MTA3: variants seen among roughly 807,000 people sequenced by gnomAD.
MTA3 encodes the protein metastasis-associated protein MTA3.
A neutral mutation model predicts 83.5 loss-of-function variants in MTA3; 34 were observed. The ratio of observed to expected loss-of-function variants is 0.41; its 90% confidence interval spans 0.31 to 0.54. The LOEUF is 0.54. MTA3 is among the 20% of genes least tolerant of loss of function. The probability of loss-of-function intolerance (pLI) is 0.33; values close to 1 mark genes in which losing one functional copy is unlikely to be tolerated. For synonymous variants in MTA3, 303 were observed against 252.7 expected, an observed-to-expected ratio of 1.20 and a Z score of -1.89; for missense variants, 761 against 726.4, an observed-to-expected ratio of 1.05 and a Z score of -0.55.
chr2:42,621,821 G>A (rs1008623108), intron 4 of MTA3, among the ~76,000 whole-genome samples: 53 of 149,172 alleles, frequency 3.6e-4, no homozygotes, highest in Admixed American at 4.0e-4. Flanking sequence ...AGACGGGGTC[G>A]TGGCCGGGCA....
chr2:42,519,483 G>A (rs573718090), intron 2 of MTA3, among the ~76,000 whole-genome samples: 1 of 152,082 alleles, frequency 6.6e-6, no homozygotes, highest in African/African-American at 2.4e-5. Flanking sequence ...GCACATGCCT[G>A]TAGTCCCAAC....
chr2:42,635,323 A>G (rs1687078748), intron 4 of MTA3, among the ~76,000 whole-genome samples: 1 of 152,196 alleles, frequency 6.6e-6, no homozygotes, highest in Admixed American at 6.5e-5. Context: ...TTATACAAAG[A>G]AATATTAAGA....
chr2:42,610,643 A>C (rs1194727118), intron 4 of MTA3, among the ~76,000 whole-genome samples: 1 of 152,158 alleles, frequency 6.6e-6, no homozygotes, highest in African/African-American at 2.4e-5. Flanking sequence ...TGTAGTGTAT[A>C]ATCAGTGCAT....
intron 3 of MTA3, among the ~76,000 whole-genome samples, chr2:42,597,257 G>A (rs1444524076): frequency 1.3e-5 from 2 of 151,888 alleles, no homozygotes; most frequent in East Asian, 3.9e-4. Flanking sequence ...TAGAAATGGG[G>A]TCTCACCGTG....
chr2:42,660,603 T>C (rs1265410623), intron 8 of MTA3, among the ~76,000 whole-genome samples: 3 of 152,232 alleles, frequency 2.0e-5, no homozygotes. Context: ...AGTTACTTAC[T>C]GTATTTGATT....
At chr2:42,568,204 AG>A (rs1010709702), upstream of MTA3, 6 of 152,704 alleles carry the variant, frequency 3.9e-5, no homozygotes, top group Admixed American at 1.3e-4. Flanking sequence ...GGGCAGCCAC[AG>A]GGGGGTTCCC....
upstream of MTA3, chr2:42,494,557 GC>G (rs1287166089): frequency 2.0e-5 from 3 of 152,168 alleles, no homozygotes; most frequent in Non-Finnish European, 4.4e-5. Context: ...GCGGCTACAC[GC>G]CCCATCCCCC....
intron 2 of MTA3, among the ~76,000 whole-genome samples, chr2:42,556,074 A>T (rs1572976953): frequency 6.6e-6 from 1 of 151,838 alleles, no homozygotes; most frequent in East Asian, 1.9e-4. Flanking sequence ...TCTGTCTCAA[A>T]AAACAAAAGC....
chr2:42,730,209 T>G (rs1316098984), intron 16 of MTA3, among the ~76,000 whole-genome samples: 1 of 152,178 alleles, frequency 6.6e-6, no homozygotes, highest in East Asian at 1.9e-4. Flanking sequence ...TGATGACTTT[T>G]TTTTTCTTGT....
Position 42,609,562 on chromosome 2 carries a change from T to C in MTA3, c.295T>C (p.Ser99Pro). 1 of 1,613,800 alleles carries C rather than the reference T, an allele frequency of 6.2e-7. No homozygotes were observed. The highest frequency in any genetic ancestry group is 8.5e-7 in the Non-Finnish European group (1 of 1,179,780). ...RELFLSRQYE[S>P]LPATHIRGKC... ...ACTCTTTTTGTCACGCCAGTATGAA[T>C]CTCTGCCCGCAACACATATCAGGTA... The change falls in exon 4 of 17, where the codon TCT becomes CCT. Residue 99 changes from serine (S) to proline (P), a missense_variant. Physicochemically the swap from Ser to Pro is moderately conservative, Grantham distance 74. Coordinates refer to ENST00000405094, the MANE Select transcript of MTA3 (RefSeq NM_001330442.2).
chr2:42,691,133 T>C (rs1200310338), intron 9 of MTA3, among the ~76,000 whole-genome samples: 1 of 152,036 alleles, frequency 6.6e-6, no homozygotes, highest in Non-Finnish European at 1.5e-5. Flanking sequence ...CGCCTCGGCC[T>C]CCCAAAGTGT....
At chr2:42,551,047 C>CTAAATAAATAAA (rs61107846) in intron 2 of MTA3, among the ~76,000 whole-genome samples, 40 of 142,686 alleles carry the variant, frequency 2.8e-4, no homozygotes, top group African/African-American at 5.7e-4. Flanking sequence ...CAGACTCTGA[C>CTAAATAAATAAA]TAAATAAATA....
intron 15 of MTA3, among the ~76,000 whole-genome samples, chr2:42,722,517 C>G (rs1159116701): frequency 6.6e-6 from 1 of 152,136 alleles, no homozygotes; most frequent in Admixed American, 6.5e-5. Flanking sequence ...AAGTGTTTTA[C>G]CCCCCTCACC....
At chr2:42,652,392 AAGAC>A (rs1487948091) in intron 6 of MTA3, among the ~76,000 whole-genome samples, 6 of 152,188 alleles carry the variant, frequency 3.9e-5, no homozygotes, top group African/African-American at 1.4e-4. Flanking sequence ...CCCCACGTAA[AAGAC>A]AGCCTTTCAG....
chr2:42,577,815 A>G (rs1375249936), intron 2 of MTA3, among the ~76,000 whole-genome samples: 2 of 152,210 alleles, frequency 1.3e-5, no homozygotes, highest in African/African-American at 4.8e-5. Context: ...CAAAAATCAC[A>G]TTGAAAATCC....
At chr2:42,581,606 C>G (rs1679654746) in intron 3 of MTA3, among the ~76,000 whole-genome samples, 2 of 149,956 alleles carry the variant, frequency 1.3e-5, no homozygotes, top group Admixed American at 6.7e-5. Flanking sequence ...GGGTCTCAAA[C>G]TATTGGCCTC....
intron 9 of MTA3, among the ~76,000 whole-genome samples, chr2:42,687,166 T>G (rs1287947744): frequency 6.6e-6 from 1 of 152,062 alleles, no homozygotes; most frequent in Non-Finnish European, 1.5e-5. Context: ...CAAGACACAG[T>G]ACAGTTTCAT....
At chr2:42,691,550 A>C (rs926825303) in intron 9 of MTA3, among the ~76,000 whole-genome samples, 3 of 152,186 alleles carry the variant, frequency 2.0e-5, no homozygotes, top group African/African-American at 7.2e-5. Flanking sequence ...TGTAGTTTAC[A>C]TACCACAATT....
chr2:42,731,058 T>C (rs1406125867), intron 16 of MTA3, among the ~76,000 whole-genome samples: 1 of 152,172 alleles, frequency 6.6e-6, no homozygotes, highest in African/African-American at 2.4e-5. Context: ...TAACGTCTCC[T>C]TTTTCATCTC....
Sources: allele counts gnomAD v4.1 joint callset (sites outside exome capture counted in the v4.1 genomes callset), GRCh38; gene constraint gnomAD v4.1.1; transcripts MANE v1.5; gene names NCBI Gene and HGNC (gene_info 2026-07-23, HGNC 2026-07-21).